PODXL: variants seen among roughly 807,000 people sequenced by gnomAD.
PODXL encodes the protein podocalyxin like, also known as podocalyxin.
PODXL carries 20 observed loss-of-function variants against 48.9 expected under a neutral mutation model. That is an observed-to-expected ratio of 0.41 (90% CI 0.29 to 0.59). The LOEUF (loss-of-function observed/expected upper bound fraction) is 0.59. PODXL is among the 20% of genes least tolerant of loss of function. The probability of loss-of-function intolerance (pLI) is 0.31; values close to 1 mark genes in which losing one functional copy is unlikely to be tolerated. For missense variants in PODXL, 606 were observed against 675.1 expected (o/e 0.90, Z 1.13); for synonymous variants, 295 against 287.4 (o/e 1.03, Z -0.27).
At chr7:131,553,348 C>T (rs1055259922) in intron 1 of PODXL, among the ~76,000 whole-genome samples, 14 of 152,196 alleles carry the variant, frequency 9.2e-5, no homozygotes, top group African/African-American at 3.4e-4. Flanking sequence ...CCATATGCCT[C>T]CCTCTCCCAC....
intron 3 of PODXL, among the ~76,000 whole-genome samples, chr7:131,509,978 G>C (rs1256449473): frequency 2.0e-5 from 3 of 152,150 alleles, no homozygotes; most frequent in Admixed American, 2.0e-4. Flanking sequence ...ATCTCAGCCG[G>C]AGCCCGCACT....
chr7:131,534,371 G>A (rs1798335174), intron 1 of PODXL, among the ~76,000 whole-genome samples: 1 of 152,246 alleles, frequency 6.6e-6, no homozygotes, highest in Non-Finnish European at 1.5e-5. Flanking sequence ...CAGAGATGGA[G>A]GGAGGGGCTT....
rs1797697599 is a variant in PODXL at position 131,501,220 on chromosome 7, G to C, written c.*3091C>G. The C allele has an allele frequency of 6.6e-6, 1 of 152,054 alleles. No individual in the cohort carries two copies. Among genetic ancestry groups the C allele is most frequent in the Admixed American group, 6.6e-5 (1 of 15,212 alleles). 9.4% of individuals were successfully genotyped at this position (152,054 alleles called of 1,614,324 possible). On this transcript the variant is annotated 3_prime_UTR_variant, in exon 9 of 9. Coordinates refer to ENST00000378555, the MANE Select transcript of PODXL (RefSeq NM_001018111.3). Reference sequence around the variant, plus strand: ...ATCAAGCAAAAACTTGTCATTTCCAGTAAGACATTTACATTCCTGTCCAGA... The same window carrying C: ...ATCAAGCAAAAACTTGTCATTTCCACTAAGACATTTACATTCCTGTCCAGA...
In PODXL at chr7:131,503,713, A is replaced by T. The variant is rs1190891059; in HGVS notation, c.*598T>A. 6.4e-6 allele frequency: 1 copy of T among 156,304 alleles called. No homozygotes were observed. The highest frequency in any genetic ancestry group is 2.4e-5 in the African/African-American group (1 of 41,388). The allele number at this position is 156,304 out of a possible 1,614,324, so 9.7% of individuals were successfully genotyped here. On this transcript the variant is annotated 3_prime_UTR_variant, in exon 9 of 9. Transcript: ENST00000378555. ...AACACTGAGTGTAGGGAGGGGTAAG[A>T]ACATAGAGGGTGGGAAGATGGGTAC...
chr7:131,535,436 G>A (rs1215967139), intron 1 of PODXL, among the ~76,000 whole-genome samples: 1 of 152,188 alleles, frequency 6.6e-6, no homozygotes, highest in Non-Finnish European at 1.5e-5. Flanking sequence ...AGTGTGACTG[G>A]GGGCAGCTTT....
intron 1 of PODXL, among the ~76,000 whole-genome samples, chr7:131,521,862 C>T (rs937498521): frequency 5.9e-5 from 9 of 152,206 alleles, no homozygotes; most frequent in African/African-American, 2.2e-4. Context: ...CACATTCCCA[C>T]AGGGCAGGAA....
chr7:131,511,736 G>A (rs1008577667), intron 1 of PODXL, among the ~76,000 whole-genome samples: 4 of 152,066 alleles, frequency 2.6e-5, no homozygotes, highest in Non-Finnish European at 4.4e-5. Flanking sequence ...GATTACAGGC[G>A]TGAGCCACCA....
At chr7:131,554,075 A>C (rs1798707768) in intron 1 of PODXL, among the ~76,000 whole-genome samples, 1 of 152,132 alleles carries the variant, frequency 6.6e-6, no homozygotes, top group South Asian at 2.1e-4. Flanking sequence ...CGAGCTATAA[A>C]TCTTTCTTGC....
At chr7:131,537,171 G>T (rs1798388410) in intron 1 of PODXL, among the ~76,000 whole-genome samples, 1 of 151,918 alleles carries the variant, frequency 6.6e-6, no homozygotes, top group African/African-American at 2.4e-5. Flanking sequence ...TGATTGCCAG[G>T]CCTGGTGGTG....
intron 1 of PODXL, among the ~76,000 whole-genome samples, chr7:131,552,654 A>T (rs977993092): frequency 1.3e-4 from 20 of 152,142 alleles, no homozygotes; most frequent in Middle Eastern, 6.8e-3. Context: ...CCACACTGAC[A>T]CCAGGTGCTT....
At position 131,531,272 on chromosome 7, in the gene PODXL, T is replaced by C. The variant is rs921325536; in HGVS notation, c.101-19839A>G. ...GCTATATCCAGCCGCTTATAAACAA[T>C]TGACCTCTGTGGCTTTAAGAAAACC... On this transcript the variant is annotated intron_variant, in intron 1 of 8. Coordinates refer to ENST00000378555, the MANE Select transcript of PODXL (RefSeq NM_001018111.3). 7.2e-5 allele frequency among the ~76,000 whole-genome samples: 11 copies of C among 152,156 alleles called. 1 individual carries two copies. The South Asian group carries it at 1.0e-3, about 14-fold the overall frequency.
intron 1 of PODXL, among the ~76,000 whole-genome samples, chr7:131,541,607 C>G (rs2116854388): frequency 6.6e-6 from 1 of 151,158 alleles, no homozygotes; most frequent in Admixed American, 6.6e-5. Flanking sequence ...TTGCTCGAAC[C>G]TGGGAGGCGG....
intron 1 of PODXL, among the ~76,000 whole-genome samples, chr7:131,519,135 T>A (rs1472675830): frequency 6.6e-6 from 1 of 152,194 alleles, no homozygotes; most frequent in Non-Finnish European, 1.5e-5. Flanking sequence ...GGAAATGTAT[T>A]CTTTAAAGTC....
chr7:131,534,829 C>T (rs1209698018), intron 1 of PODXL, among the ~76,000 whole-genome samples: 4 of 152,142 alleles, frequency 2.6e-5, no homozygotes, highest in Admixed American at 2.0e-4. Context: ...GTGGGCAGAT[C>T]GCTTGAGCTC....
rs1798753866 is a variant in PODXL, at chr7:131,556,611, C to A, written c.-252G>T. The A allele has an allele frequency of 3.6e-6, 1 of 276,898 alleles. No homozygotes were observed. Among genetic ancestry groups the A allele is most frequent in the Non-Finnish European group, 6.5e-6 (1 of 154,620 alleles). The allele number at this position is 276,898 out of a possible 1,614,324, so 17.2% of individuals were successfully genotyped here. A position where few individuals can be genotyped will look rare whatever the true frequency, so the allele number is the denominator to read the frequency against. ...GCGGCTGCGTCCTGGGCGGCGTCTGCGCGGCTGCGGCCCCACTGGCGGCTG... is the reference window on the plus strand; with the variant it reads ...GCGGCTGCGTCCTGGGCGGCGTCTGAGCGGCTGCGGCCCCACTGGCGGCTG... On this transcript the variant is annotated 5_prime_UTR_variant, in exon 1 of 9. Transcript: ENST00000378555.
chr7:131,537,127 A>AT (rs1209651382), intron 1 of PODXL, among the ~76,000 whole-genome samples: 3 of 151,814 alleles, frequency 2.0e-5, no homozygotes, highest in Non-Finnish European at 2.9e-5. Flanking sequence ...CCCTGTATAT[A>AT]TGTATGTATG....
chr7:131,528,945 T>C (rs1798229919), intron 1 of PODXL, among the ~76,000 whole-genome samples: 1 of 151,940 alleles, frequency 6.6e-6, no homozygotes, highest in Non-Finnish European at 1.5e-5. Context: ...CATCGTGATG[T>C]GGGTTTACTT....
At chr7:131,519,440 A>G (rs1193428763) in intron 1 of PODXL, among the ~76,000 whole-genome samples, 1 of 152,192 alleles carries the variant, frequency 6.6e-6, no homozygotes, top group Non-Finnish European at 1.5e-5. Flanking sequence ...CAATCTAACA[A>G]TAGAAAGCCA....
chr7:131,514,904 C>G (rs2116800144), intron 1 of PODXL, among the ~76,000 whole-genome samples: 1 of 152,252 alleles, frequency 6.6e-6, no homozygotes, highest in African/African-American at 2.4e-5. Context: ...CCATGGCACC[C>G]AGCCCTGGAT....
Sources: gnomAD v4.1 joint callset for allele counts (sites outside exome capture counted in the v4.1 genomes callset) on GRCh38, gnomAD v4.1.1 for gene constraint, MANE v1.5 for transcripts, NCBI Gene and HGNC (gene_info 2026-07-23, HGNC 2026-07-21) for gene names.